The following IL1RAPL2 variants were observed in gnomAD, a reference collection of about 807,000 sequenced individuals.
IL1RAPL2 encodes interleukin 1 receptor accessory protein like 2.
A neutral mutation model predicts 44.1 loss-of-function variants in IL1RAPL2; 3 were observed. That is an observed-to-expected ratio of 0.07 (90% CI 0.03 to 0.18). IL1RAPL2 has a LOEUF of 0.18. IL1RAPL2 is among the 10% of genes least tolerant of loss of function. The pLI is 1.00. For missense variants in IL1RAPL2, 391 were observed against 496.4 expected (o/e 0.79, Z 2.02); for synonymous variants, 181 against 178.8 (o/e 1.01, Z -0.10).
At chrX:105,481,325 C>T (rs1445853862) in intron 5 of IL1RAPL2, among the ~76,000 whole-genome samples, 2 of 112,420 alleles carry the variant, frequency 1.8e-5, no homozygotes, top group Non-Finnish European at 3.8e-5. Flanking sequence ...GTCTTCTTTA[C>T]CTTACAAGGT....
intron 6 of IL1RAPL2, among the ~76,000 whole-genome samples, chrX:105,540,803 AGT>A (rs1369300214): frequency 6.5e-3 from 16 of 2,473 alleles, no homozygotes; most frequent in Non-Finnish European, 0.017. Flanking sequence ...TAAATATATT[AGT>A]TATATAATAT....
chrX:104,628,580 G>A (rs748554937), intron 1 of IL1RAPL2, among the ~76,000 whole-genome samples: 8 of 111,531 alleles, frequency 7.2e-5, no homozygotes, highest in Non-Finnish European at 1.1e-4. Flanking sequence ...TTTTCTTTGG[G>A]AATAAAGCTG....
At chrX:104,896,562 G>A (rs866153889) in intron 2 of IL1RAPL2, among the ~76,000 whole-genome samples, 11 of 111,400 alleles carry the variant, frequency 9.9e-5, no homozygotes, top group Non-Finnish European at 7.5e-5. Context: ...CTAGCTAAAG[G>A]ATTTTAAACA....
intron 2 of IL1RAPL2, among the ~76,000 whole-genome samples, chrX:104,799,748 T>A (rs1932873188): frequency 8.9e-6 from 1 of 111,963 alleles, no homozygotes; most frequent in Non-Finnish European, 1.9e-5. Flanking sequence ...TTTTGATCTA[T>A]CTATACACTG....
chrX:105,067,107 T>C (rs1470599849), intron 2 of IL1RAPL2, among the ~76,000 whole-genome samples: 1 of 112,188 alleles, frequency 8.9e-6, no homozygotes, highest in Non-Finnish European at 1.9e-5. Flanking sequence ...TAAGACCTAC[T>C]GCATAGAAGA....
At chrX:105,205,647 G>A (rs2147617369) in intron 3 of IL1RAPL2, among the ~76,000 whole-genome samples, 1 of 89,062 alleles carries the variant, frequency 1.1e-5, no homozygotes, top group African/African-American at 4.1e-5. Flanking sequence ...GGGCAGTTTG[G>A]TTGGAGTGTG....
At chrX:105,388,460 T>G (rs1326191790) in intron 5 of IL1RAPL2, among the ~76,000 whole-genome samples, 1 of 104,347 alleles carries the variant, frequency 9.6e-6, no homozygotes, top group Admixed American at 1.1e-4. Context: ...TCTGCAAACA[T>G]TATTTTAAAA....
chrX:105,440,161 C>G (rs2035910720), intron 5 of IL1RAPL2, among the ~76,000 whole-genome samples: 1 of 112,043 alleles, frequency 8.9e-6, no homozygotes, highest in Non-Finnish European at 1.9e-5. Context: ...TCTTTAGTCA[C>G]TTCATCCAAT....
intron 2 of IL1RAPL2, among the ~76,000 whole-genome samples, chrX:104,911,911 ATCT>A (rs919265247): frequency 5.4e-5 from 6 of 111,493 alleles, no homozygotes; most frequent in African/African-American, 2.0e-4. Context: ...TTGCAAATAA[ATCT>A]TCTCCGTATT....
At chrX:104,676,739 A>G (rs1252082327) in intron 2 of IL1RAPL2, among the ~76,000 whole-genome samples, 29 of 111,964 alleles carry the variant, frequency 2.6e-4, no homozygotes, top group East Asian at 5.6e-4. Flanking sequence ...AGATACACCA[A>G]TCAGACGTAG....
intron 6 of IL1RAPL2, among the ~76,000 whole-genome samples, chrX:105,601,323 C>T (rs1327314351): frequency 9.0e-6 from 1 of 110,998 alleles, no homozygotes. Context: ...ATGCTCACCT[C>T]CTTCACAAAG....
chrX:105,049,750 T>G (rs2147526600), intron 2 of IL1RAPL2, among the ~76,000 whole-genome samples: 1 of 111,495 alleles, frequency 9.0e-6, no homozygotes, highest in African/African-American at 3.3e-5. Flanking sequence ...TAAATAAAGT[T>G]ACTTCTATGT....
intron 6 of IL1RAPL2, among the ~76,000 whole-genome samples, chrX:105,569,415 A>G (rs946659765): frequency 9.0e-6 from 1 of 111,464 alleles, no homozygotes; most frequent in Non-Finnish European, 1.9e-5. Context: ...CAGCCATATG[A>G]TAGGATTATA....
chrX:105,432,129 C>CTTTT (rs386417369), intron 5 of IL1RAPL2, among the ~76,000 whole-genome samples: 62 of 44,824 alleles, frequency 1.4e-3, no homozygotes, highest in African/African-American at 4.9e-3. Context: ...TTCAATTTGC[C>CTTTT]TTTTTTTTTT....
intron 7 of IL1RAPL2, among the ~76,000 whole-genome samples, chrX:105,718,500 A>G (rs1479040294): frequency 8.9e-6 from 1 of 111,785 alleles, no homozygotes; most frequent in Non-Finnish European, 1.9e-5. Context: ...CTATAGGAGC[A>G]TATTTCTAGG....
At chrX:105,059,614 T>G (rs1461156070) in intron 2 of IL1RAPL2, among the ~76,000 whole-genome samples, 1 of 111,553 alleles carries the variant, frequency 9.0e-6, no homozygotes, top group Non-Finnish European at 1.9e-5. Flanking sequence ...CACTGCAACC[T>G]CTGCCTCCCG....
chrX:105,240,988 A>G (rs2034166069), intron 4 of IL1RAPL2, among the ~76,000 whole-genome samples: 1 of 111,361 alleles, frequency 9.0e-6, no homozygotes, highest in Non-Finnish European at 1.9e-5. Context: ...GGTTGCAGTG[A>G]GTGAGCTGAG....
chrX:104,858,696 C>G (rs376235749), intron 2 of IL1RAPL2, among the ~76,000 whole-genome samples: 21 of 111,826 alleles, frequency 1.9e-4, no homozygotes, highest in African/African-American at 6.5e-4. Context: ...AAACATGTCT[C>G]TGGTCTGAAA....
chrX:105,410,988 A>G (rs753671169), intron 5 of IL1RAPL2, among the ~76,000 whole-genome samples: 26 of 112,110 alleles, frequency 2.3e-4, no homozygotes, highest in Non-Finnish European at 4.9e-4. Context: ...GGTAGAAACA[A>G]AGATAAAGTT....
Sources: gnomAD v4.1 joint callset for allele counts (sites outside exome capture counted in the v4.1 genomes callset) on GRCh38, gnomAD v4.1.1 for gene constraint, MANE v1.5 for transcripts, NCBI Gene and HGNC (gene_info 2026-07-23, HGNC 2026-07-21) for gene names.